The following SLC24A2 variants were observed in gnomAD, a reference collection of about 807,000 sequenced individuals.
SLC24A2 encodes the protein sodium/potassium/calcium exchanger 2.
In SLC24A2, 36 loss-of-function variants were observed where a neutral mutation model predicts 62.0. The observed-to-expected ratio is 0.58, with a 90% confidence interval of 0.44 to 0.77. SLC24A2 has a LOEUF of 0.77. Ranked by LOEUF, SLC24A2 falls within the 30% of genes least tolerant of loss-of-function variation. The pLI, the probability that SLC24A2 is intolerant of heterozygous loss-of-function variation, is 0.00. For missense variants in SLC24A2, 846 were observed against 817.9 expected (o/e 1.03, Z -0.42); for synonymous variants, 358 against 294.0 (o/e 1.22, Z -2.23).
Position 19,548,298 on chromosome 9 carries a change from C to T in SLC24A2, c.1479+1839G>A, listed in dbSNP as rs189317132. On this transcript the variant is annotated intron_variant, in intron 8 of 10. Transcript: ENST00000341998. The stretch of plus-strand genomic sequence containing the variant: ...AATGATTTTTTTTTCTACTTTGTGG[C>T]ATCACTAAATATGAAGCAAAGCCCA... Among the ~76,000 whole-genome samples, 205 of 152,170 alleles carry T rather than the reference C, an allele frequency of 1.3e-3. 1 individual carries two copies. The highest frequency in any genetic ancestry group is 4.9e-3 in the African/African-American group (202 of 41,508).
chr9:19,974,550 T>G, the SLC24A2 span, among the ~76,000 whole-genome samples: 3 of 152,190 alleles, frequency 2.0e-5, no homozygotes, highest in Non-Finnish European at 4.4e-5. Flanking sequence ...CATTAATTGA[T>G]TTTTCCTTGC....
intron 2 of SLC24A2, among the ~76,000 whole-genome samples, chr9:19,664,872 G>A (rs1490088141): frequency 1.3e-5 from 2 of 152,204 alleles, no homozygotes; most frequent in Non-Finnish European, 2.9e-5. Flanking sequence ...CCTTCAGAGT[G>A]AGCATGGCTC....
At chr9:19,896,846 A>C in the SLC24A2 span, among the ~76,000 whole-genome samples, 1 of 152,248 alleles carries the variant, frequency 6.6e-6, no homozygotes, top group Non-Finnish European at 1.5e-5. Flanking sequence ...TGAGGATTAA[A>C]TTATATACTG....
At chr9:19,528,166 A>G (rs1833525669) in intron 8 of SLC24A2, 28 bp from the exon 9 acceptor site, 1 of 1,420,294 alleles carries the variant, frequency 7.0e-7, no homozygotes, top group Non-Finnish European at 9.8e-7. Flanking sequence ...AGAGTTGAGA[A>G]TATCAGTGTT....
chr9:19,896,892 T>C, the SLC24A2 span, among the ~76,000 whole-genome samples: 1 of 152,240 alleles, frequency 6.6e-6, no homozygotes, highest in Non-Finnish European at 1.5e-5. Flanking sequence ...TTGTTATGCA[T>C]GTCATGTTAT....
chr9:19,623,579 T>A (rs62563278), intron 2 of SLC24A2, among the ~76,000 whole-genome samples: 1 of 152,226 alleles, frequency 6.6e-6, no homozygotes, highest in Non-Finnish European at 1.5e-5. Flanking sequence ...GCCAATCATT[T>A]AAGTTAGGAT....
At chr9:19,825,190 G>C in the SLC24A2 span, among the ~76,000 whole-genome samples, 5 of 152,070 alleles carry the variant, frequency 3.3e-5, no homozygotes, top group Admixed American at 3.3e-4. Context: ...TAAAATTTCA[G>C]AAAAAGTTAA....
At chr9:19,636,286 C>CTTCTCTTCTTTTCTTTTCTTTTCTT (rs1564009444) in intron 2 of SLC24A2, among the ~76,000 whole-genome samples, 5 of 88,122 alleles carry the variant, frequency 5.7e-5, no homozygotes, top group African/African-American at 9.8e-5. Flanking sequence ...CTCTTCTTCT[C>CTTCTCTTCTTTTCTTTTCTTTTCTT]TTCTTTTCTT....
chr9:20,087,679 T>C, the SLC24A2 span, among the ~76,000 whole-genome samples: 9 of 152,312 alleles, frequency 5.9e-5, no homozygotes, highest in Admixed American at 4.6e-4. Flanking sequence ...TCAAAACAGA[T>C]GTGTTGGAGG....
the SLC24A2 span, among the ~76,000 whole-genome samples, chr9:20,287,736 G>T: frequency 6.6e-6 from 1 of 152,172 alleles, no homozygotes; most frequent in Non-Finnish European, 1.5e-5. Flanking sequence ...CATTGCCTCT[G>T]TTGATCTGAA....
intron 2 of SLC24A2, among the ~76,000 whole-genome samples, chr9:19,737,516 G>A (rs1338475366): frequency 5.3e-5 from 8 of 151,678 alleles, no homozygotes; most frequent in South Asian, 4.1e-4. Context: ...AATTTATCTC[G>A]TTACAATAAG....
intron 7 of SLC24A2, among the ~76,000 whole-genome samples, chr9:19,561,513 C>T (rs1408620869): frequency 6.7e-6 from 1 of 148,766 alleles, no homozygotes; most frequent in Non-Finnish European, 1.5e-5. Context: ...CGGCTCACTG[C>T]AACCTCCGCC....
chr9:20,037,057 A>G, the SLC24A2 span, among the ~76,000 whole-genome samples: 1 of 151,998 alleles, frequency 6.6e-6, no homozygotes, highest in East Asian at 1.9e-4. Flanking sequence ...CACCACATCC[A>G]GCTAATTTTT....
At chr9:19,918,767 G>T in the SLC24A2 span, among the ~76,000 whole-genome samples, 1 of 152,172 alleles carries the variant, frequency 6.6e-6, no homozygotes, top group Non-Finnish European at 1.5e-5. Flanking sequence ...AGCCTGGGAG[G>T]CAGAGAGTCC....
At chr9:19,806,238 C>G in the SLC24A2 span, among the ~76,000 whole-genome samples, 2 of 152,070 alleles carry the variant, frequency 1.3e-5, no homozygotes, top group African/African-American at 4.8e-5. Flanking sequence ...GGAGTGCACC[C>G]GCAGATCAGG....
chr9:19,559,964 C>G (rs1339520448), intron 7 of SLC24A2, among the ~76,000 whole-genome samples: 2 of 152,084 alleles, frequency 1.3e-5, no homozygotes, highest in African/African-American at 4.8e-5. Flanking sequence ...GTCTCACCGA[C>G]CCAAACACCT....
chr9:19,901,339 C>T, the SLC24A2 span, among the ~76,000 whole-genome samples: 1 of 152,146 alleles, frequency 6.6e-6, no homozygotes, highest in Non-Finnish European at 1.5e-5. Context: ...GTTTCAAATA[C>T]TGTTAACTAA....
the SLC24A2 span, among the ~76,000 whole-genome samples, chr9:20,195,497 T>C: frequency 6.6e-6 from 1 of 152,344 alleles, no homozygotes; most frequent in South Asian, 2.1e-4. Context: ...GAAGTGTCTG[T>C]CTAAATCTTT....
the SLC24A2 span, among the ~76,000 whole-genome samples, chr9:19,902,515 A>C: frequency 1.3e-3 from 191 of 152,262 alleles, 2 homozygotes; most frequent in African/African-American, 4.4e-3. Flanking sequence ...CCTCCTCCTC[A>C]TCATGATCAT....
Sources: gnomAD v4.1 joint callset for allele counts (sites outside exome capture counted in the v4.1 genomes callset) on GRCh38, gnomAD v4.1.1 for gene constraint, MANE v1.5 for transcripts, NCBI Gene and HGNC (gene_info 2026-07-23, HGNC 2026-07-21) for gene names.